DCC: variants seen among roughly 807,000 people sequenced by gnomAD.
The protein encoded by DCC is netrin receptor DCC.
In DCC, 58 loss-of-function variants were observed where a neutral mutation model predicts 172.5. That is an observed-to-expected ratio of 0.34 (90% CI 0.27 to 0.42). The LOEUF is 0.42. Ranked by LOEUF, DCC falls within the 10% of genes least tolerant of loss-of-function variation. DCC has a pLI of 1.00. For synonymous variants in DCC, 709 were observed against 644.5 expected (o/e 1.10, Z -1.52); for missense variants, 1,740 against 1,791.0 (o/e 0.97, Z 0.51).
intron 1 of DCC, among the ~76,000 whole-genome samples, chr18:52,586,211 A>G (rs1040786483): frequency 2.0e-5 from 3 of 152,108 alleles, no homozygotes; most frequent in Admixed American, 1.3e-4. Flanking sequence ...ATGTTTAACA[A>G]ATTCAGTCAT....
intron 1 of DCC, among the ~76,000 whole-genome samples, chr18:52,743,515 C>T (rs537456007): frequency 8.4e-4 from 128 of 152,322 alleles, no homozygotes; most frequent in African/African-American, 2.9e-3. Context: ...CAAACTGCAG[C>T]TTAGAGAGTT....
intron 22 of DCC, among the ~76,000 whole-genome samples, chr18:53,449,830 C>A (rs576873401): frequency 1.3e-5 from 2 of 152,122 alleles, no homozygotes; most frequent in South Asian, 2.1e-4. Flanking sequence ...GGGCTGCCAT[C>A]ACTGCTATTT....
intron 6 of DCC, among the ~76,000 whole-genome samples, chr18:53,065,808 C>A (rs1486461404): frequency 1.3e-5 from 2 of 152,020 alleles, no homozygotes; most frequent in Non-Finnish European, 2.9e-5. Flanking sequence ...TTTTTGTCAG[C>A]ATATTATTTA....
At position 53,171,782 on chromosome 18, in the gene DCC, C is replaced by T. The variant is rs753471039; in HGVS notation, c.1419-7180C>T. 2.2e-4 allele frequency among the ~76,000 whole-genome samples: 34 copies of T among 151,764 alleles called. 1 individual carries two copies. The highest frequency in any genetic ancestry group is 4.7e-4 in the Non-Finnish European group (32 of 67,964). The stretch of plus-strand genomic sequence containing the variant: ...GCAAACATATGAAAAAACTGCTCAA[C>T]ATCACTAATCGTCAGAAATGCAAAT... On this transcript the variant is annotated intron_variant, in intron 8 of 28. Transcript: ENST00000442544.
intron 26 of DCC, among the ~76,000 whole-genome samples, chr18:53,487,840 A>G (rs73462923): frequency 0.053 from 7,994 of 152,174 alleles, 618 homozygotes; most frequent in African/African-American, 0.17. Flanking sequence ...GTTGTGTGCA[A>G]AAACTCGAGG....
intron 8 of DCC, among the ~76,000 whole-genome samples, chr18:53,163,100 T>A (rs1250358149): frequency 6.6e-6 from 1 of 152,242 alleles, no homozygotes; most frequent in African/African-American, 2.4e-5. Flanking sequence ...TTTATCAAGT[T>A]TGATGTTTGG....
intron 2 of DCC, among the ~76,000 whole-genome samples, chr18:52,874,210 T>C (rs970778800): frequency 6.6e-6 from 1 of 152,330 alleles, no homozygotes; most frequent in South Asian, 2.1e-4. Flanking sequence ...CAGTAGTGTA[T>C]GTTAATAATA....
At chr18:52,404,673 A>T (rs1359931369) in intron 1 of DCC, among the ~76,000 whole-genome samples, 31 of 148,590 alleles carry the variant, frequency 2.1e-4, no homozygotes, top group South Asian at 6.4e-4. Flanking sequence ...TTTTTTTTTT[A>T]AATTATACTT....
chr18:52,641,991 TAAAG>T (rs1325074075), intron 1 of DCC, among the ~76,000 whole-genome samples: 1 of 145,070 alleles, frequency 6.9e-6, no homozygotes, highest in Non-Finnish European at 1.5e-5. Flanking sequence ...AACAAGTGGA[TAAAG>T]AAACTGTGGT....
intron 15 of DCC, among the ~76,000 whole-genome samples, chr18:53,356,442 T>C (rs1401056300): frequency 6.6e-6 from 1 of 152,218 alleles, no homozygotes; most frequent in East Asian, 1.9e-4. Context: ...CATTTTGTTC[T>C]AACATGCAGT....
intron 2 of DCC, among the ~76,000 whole-genome samples, chr18:52,812,492 A>G (rs1340437099): frequency 6.6e-6 from 1 of 152,232 alleles, no homozygotes; most frequent in East Asian, 1.9e-4. Context: ...AGAAACACAC[A>G]TATTGTGCTC....
chr18:52,740,064 C>T (rs2036795170), intron 1 of DCC, among the ~76,000 whole-genome samples: 1 of 152,142 alleles, frequency 6.6e-6, no homozygotes, highest in African/African-American at 2.4e-5. Context: ...CTTTCAGTTT[C>T]CTTCAGGTGA....
intron 1 of DCC, among the ~76,000 whole-genome samples, chr18:52,658,632 T>G (rs980746980): frequency 6.6e-5 from 10 of 152,284 alleles, no homozygotes; most frequent in Non-Finnish European, 1.2e-4. Context: ...AGGTCATCCC[T>G]CATCACTTTA....
intron 25 of DCC, among the ~76,000 whole-genome samples, chr18:53,478,811 A>C (rs1483793896): frequency 6.6e-6 from 1 of 152,214 alleles, no homozygotes; most frequent in African/African-American, 2.4e-5. Flanking sequence ...AAGCTACATG[A>C]GAAAGGGCAG....
At chr18:53,166,990 T>G (rs929018217) in intron 8 of DCC, among the ~76,000 whole-genome samples, 3 of 152,170 alleles carry the variant, frequency 2.0e-5, no homozygotes, top group East Asian at 3.9e-4. Flanking sequence ...TATAACATTC[T>G]GGCATTCACT....
intron 1 of DCC, among the ~76,000 whole-genome samples, chr18:52,638,688 C>T (rs999444564): frequency 6.6e-6 from 1 of 151,766 alleles, no homozygotes; most frequent in African/African-American, 2.4e-5. Flanking sequence ...AAAACAATTA[C>T]TAATTGTTTT....
intron 2 of DCC, among the ~76,000 whole-genome samples, chr18:52,791,067 T>G (rs1210316394): frequency 1.3e-5 from 2 of 151,986 alleles, no homozygotes; most frequent in Non-Finnish European, 2.9e-5. Context: ...GCTGGTGGTG[T>G]GGTTGGAGCT....
intron 2 of DCC, among the ~76,000 whole-genome samples, chr18:52,845,831 C>G (rs891455281): frequency 2.0e-5 from 3 of 152,220 alleles, no homozygotes; most frequent in Non-Finnish European, 2.9e-5. Context: ...AAGTCAAGTA[C>G]AGACATTACT....
chr18:52,681,630 G>T (rs939003805), intron 1 of DCC, among the ~76,000 whole-genome samples: 2 of 152,076 alleles, frequency 1.3e-5, no homozygotes, highest in African/African-American at 4.8e-5. Context: ...AGGAGCTGCT[G>T]CTAATTCTGA....
Sources: allele counts gnomAD v4.1 joint callset (sites outside exome capture counted in the v4.1 genomes callset), GRCh38; gene constraint gnomAD v4.1.1; transcripts MANE v1.5; gene names NCBI Gene and HGNC (gene_info 2026-07-23, HGNC 2026-07-21).